GADL1: variants seen among roughly 807,000 people sequenced by gnomAD.
GADL1 encodes GAD like acidic amino acid decarboxylase 1.
Under a neutral mutation model 69.5 loss-of-function variants are expected in GADL1, and 71 were observed. The observed-to-expected ratio is 1.02, with a 90% CI of 0.84 to 1.25. GADL1 has a LOEUF of 1.25. Among genes scored for constraint, GADL1 ranks in the 50% most tolerant of loss-of-function variants. The pLI is 0.00. For synonymous variants in GADL1, 254 were observed against 214.4 expected (o/e 1.18, Z -1.62); for missense variants, 737 against 631.8 (o/e 1.17, Z -1.79).
At chr3:30,890,537 C>T (rs1698773051) in intron 1 of GADL1, among the ~76,000 whole-genome samples, 1 of 152,198 alleles carries the variant, frequency 6.6e-6, no homozygotes, top group Admixed American at 6.5e-5. Context: ...AAAATCCTTT[C>T]TGAAAATCGC....
At chr3:30,779,710 G>T (rs1696616380) in intron 13 of GADL1, among the ~76,000 whole-genome samples, 1 of 152,124 alleles carries the variant, frequency 6.6e-6, no homozygotes, top group Non-Finnish European at 1.5e-5. Flanking sequence ...CTAGAAAGTA[G>T]AAGAAAAATA....
At chr3:30,781,550 T>G (rs763010786) in intron 13 of GADL1, among the ~76,000 whole-genome samples, 38 of 152,238 alleles carry the variant, frequency 2.5e-4, no homozygotes, top group Admixed American at 7.2e-4. Context: ...TTTAATTGAC[T>G]TCAAGCTTAT....
intron 11 of GADL1, among the ~76,000 whole-genome samples, chr3:30,810,580 A>G (rs971280986): frequency 6.6e-6 from 1 of 151,852 alleles, no homozygotes; most frequent in Non-Finnish European, 1.5e-5. Context: ...TCACTTTCCC[A>G]CTGTGTATAT....
chr3:30,742,991 C>G (rs1039794950), intron 14 of GADL1, among the ~76,000 whole-genome samples: 2 of 151,680 alleles, frequency 1.3e-5, no homozygotes, highest in East Asian at 3.9e-4. Flanking sequence ...AAAACAGAAC[C>G]TGCGCATGAT....
At chr3:30,764,995 C>T (rs1052717612) in intron 14 of GADL1, among the ~76,000 whole-genome samples, 4 of 151,960 alleles carry the variant, frequency 2.6e-5, no homozygotes, top group African/African-American at 4.8e-5. Flanking sequence ...AAAAGTCTGA[C>T]AATGCAGGTT....
intron 3 of GADL1, among the ~76,000 whole-genome samples, chr3:30,855,929 C>CAAA (rs370368623): frequency 0.037 from 4,572 of 124,000 alleles, 244 homozygotes; most frequent in African/African-American, 0.12. Flanking sequence ...TCTGATCTGG[C>CAAA]AAAAAAAAAA....
intron 1 of GADL1, among the ~76,000 whole-genome samples, chr3:30,876,913 C>T (rs1464667931): frequency 2.6e-5 from 4 of 151,888 alleles, no homozygotes; most frequent in Non-Finnish European, 5.9e-5. Context: ...TATGCATCCT[C>T]TATTGGCTGT....
intron 11 of GADL1, among the ~76,000 whole-genome samples, chr3:30,815,486 A>AT (rs972434958): frequency 6.6e-6 from 1 of 152,188 alleles, no homozygotes; most frequent in Non-Finnish European, 1.5e-5. Flanking sequence ...AACCAGATGT[A>AT]TTTAGAACAA....
Position 30,872,279 on chromosome 3 carries a change from G to A in GADL1, c.38-10514C>T, listed in dbSNP as rs550373258. ...TCATATCCTTTAATGTGGCTTAGTG[G>A]TAGCTACTGCACCACAGAGCAGTAT... On this transcript the variant is annotated intron_variant, in intron 1 of 14. Transcript: ENST00000282538. Among the ~76,000 whole-genome samples, 4 of 151,948 alleles carry A rather than the reference G, an allele frequency of 2.6e-5. No individual in the cohort carries two copies. The South Asian group carries it at 8.3e-4, about 31-fold the overall frequency.
At chr3:30,877,716 A>G (rs1012876006) in intron 1 of GADL1, among the ~76,000 whole-genome samples, 2 of 151,960 alleles carry the variant, frequency 1.3e-5, no homozygotes, top group African/African-American at 4.8e-5. Flanking sequence ...GAATAGTCTT[A>G]TCAGCTAACA....
intron 4 of GADL1, among the ~76,000 whole-genome samples, chr3:30,854,195 C>G (rs1309623943): frequency 1.3e-5 from 2 of 152,172 alleles, no homozygotes; most frequent in Admixed American, 6.6e-5. Context: ...CAACTGTCAT[C>G]TTTGCAGAGC....
intron 11 of GADL1, among the ~76,000 whole-genome samples, chr3:30,816,489 G>C (rs966247921): frequency 5.1e-5 from 7 of 136,758 alleles, no homozygotes; most frequent in African/African-American, 1.9e-4. Flanking sequence ...GTCCAGATCT[G>C]ACTTTGCTCT....
intron 11 of GADL1, among the ~76,000 whole-genome samples, chr3:30,817,584 C>T (rs1486848072): frequency 6.6e-6 from 1 of 152,132 alleles, no homozygotes; most frequent in East Asian, 1.9e-4. Context: ...AGAAAACAAT[C>T]TTTTCCTTAT....
At chr3:30,742,468 T>A (rs956062866) in intron 14 of GADL1, among the ~76,000 whole-genome samples, 4 of 152,134 alleles carry the variant, frequency 2.6e-5, no homozygotes, top group African/African-American at 9.6e-5. Context: ...GTGTAGTTAT[T>A]CAACTTTGTA....
intron 11 of GADL1, among the ~76,000 whole-genome samples, chr3:30,812,805 G>A (rs1328053194): frequency 6.6e-6 from 1 of 152,022 alleles, no homozygotes; most frequent in Non-Finnish European, 1.5e-5. Context: ...ATCCATTTGA[G>A]GCCCTACTTT....
At chr3:30,861,315 T>TTTCATCACTGTGC (rs1698317794) in intron 2 of GADL1, among the ~76,000 whole-genome samples, 1 of 150,976 alleles carries the variant, frequency 6.6e-6, no homozygotes, top group Non-Finnish European at 1.5e-5. Flanking sequence ...GTGCAGGAAG[T>TTTCATCACTGTGC]TTCATCCCTG....
chr3:30,848,576 A>C (rs1698093529), intron 6 of GADL1, among the ~76,000 whole-genome samples: 2 of 152,026 alleles, frequency 1.3e-5, no homozygotes, highest in Non-Finnish European at 2.9e-5. Flanking sequence ...TAAGAAGCTA[A>C]ACTCATTCTG....
intron 13 of GADL1, among the ~76,000 whole-genome samples, chr3:30,782,771 GAA>G (rs1465233844): frequency 6.6e-6 from 1 of 152,118 alleles, no homozygotes; most frequent in Non-Finnish European, 1.5e-5. Flanking sequence ...AAGTCACATG[GAA>G]AAGAGAAATT....
At chr3:30,765,224 ATCACCACTCATAAG>A (rs1018444428) in intron 14 of GADL1, among the ~76,000 whole-genome samples, 2 of 152,154 alleles carry the variant, frequency 1.3e-5, no homozygotes, top group African/African-American at 4.8e-5. Flanking sequence ...CCCCACATGG[ATCACCACTCATAAG>A]AAGTGGTGGC....
Sources: gnomAD v4.1 joint callset for allele counts (sites outside exome capture counted in the v4.1 genomes callset) on GRCh38, gnomAD v4.1.1 for gene constraint, MANE v1.5 for transcripts, NCBI Gene and HGNC (gene_info 2026-07-23, HGNC 2026-07-21) for gene names.